CYP3A7: variants seen among roughly 807,000 people sequenced by gnomAD.
The protein encoded by CYP3A7 is cytochrome P450 family 3 subfamily A member 7, also known as cytochrome P450 3A7.
In CYP3A7, 45 loss-of-function variants were observed where a neutral mutation model predicts 55.2. The observed-to-expected ratio is 0.82, with a 90% CI of 0.64 to 1.05. CYP3A7 has a LOEUF of 1.05. Among genes scored for constraint, CYP3A7 ranks in the 50% least tolerant of loss-of-function variants. CYP3A7 has a pLI of 0.00. For synonymous variants in CYP3A7, 180 were observed against 207.4 expected (o/e 0.87, Z 1.13); for missense variants, 548 against 605.3 (o/e 0.91, Z 0.99).
intron 9 of CYP3A7, among the ~76,000 whole-genome samples, chr7:99,713,040 G>C (rs1473274769): frequency 2.0e-5 from 3 of 152,192 alleles, no homozygotes; most frequent in African/African-American, 7.2e-5. Context: ...GGATAGCATG[G>C]CTCCTGATTA....
intron 4 of CYP3A7, among the ~76,000 whole-genome samples, chr7:99,718,715 T>G (rs1814068402): frequency 6.6e-6 from 1 of 152,146 alleles, no homozygotes; most frequent in African/African-American, 2.4e-5. Context: ...ATAAAAGAAT[T>G]GTCTCTATTT....
At chr7:99,720,192 T>C in intron 4 of CYP3A7, 121 bp downstream of exon 4, 1 of 1,220,824 alleles carries the variant, frequency 8.2e-7, no homozygotes, top group Non-Finnish European at 1.2e-6. Flanking sequence ...ATGGGCAGGA[T>C]GAAGTGTACA....
chr7:99,713,348 T>C, intron 9 of CYP3A7, 121 bp downstream of exon 9: 19 of 1,458,808 alleles, frequency 1.3e-5, no homozygotes, highest in Non-Finnish European at 1.7e-5. Context: ...CATCCAAACC[T>C]GTGTCATTCT....
chr7:99,733,395 G>C (rs919664267), intron 1 of CYP3A7, among the ~76,000 whole-genome samples: 3 of 152,158 alleles, frequency 2.0e-5, no homozygotes, highest in African/African-American at 7.2e-5. Context: ...GCTCCCCTCT[G>C]TTTGGTAGAG....
chr7:99,721,456 T>A (rs1342824177), intron 3 of CYP3A7, among the ~76,000 whole-genome samples: 1 of 152,210 alleles, frequency 6.6e-6, no homozygotes, highest in Non-Finnish European at 1.5e-5. Context: ...GATGATGCCA[T>A]GCATTTATGA....
At chr7:99,725,053 C>T (rs1231017187) in intron 2 of CYP3A7, among the ~76,000 whole-genome samples, 3 of 152,050 alleles carry the variant, frequency 2.0e-5, no homozygotes, top group African/African-American at 7.2e-5. Context: ...AGATGGACTC[C>T]CCAGGTATAG....
chr7:99,731,141 C>G lies in CYP3A7; in HGVS notation c.83G>C (p.Arg28Pro), dbSNP rs748017013. The change falls in exon 2 of 13, where the codon CGT (arginine) becomes CCT (proline). Residue 28 changes from arginine to proline, a missense_variant. Coordinates refer to ENST00000336374, the MANE Select transcript of CYP3A7 (RefSeq NM_000765.5). Reference protein sequence around the residue: ...SLILLYLYGTRTHGLFKKLGI... With the variant: ...SLILLYLYGTPTHGLFKKLGI... The stretch of plus-strand genomic sequence containing the variant: ...AAGCTTCTTAAAAAGTCCATGTGTA[C>G]GGGTTCCATATCTACAAAGTGAAAC... 2 of 1,613,544 alleles carry G rather than the reference C, an allele frequency of 1.2e-6. No individual in the cohort carries two copies. The highest frequency in any genetic ancestry group is 1.3e-5 in the African/African-American group (1 of 74,850).
At chr7:99,708,730 CATA>C (rs1180614908) in intron 11 of CYP3A7, among the ~76,000 whole-genome samples, 1 of 152,094 alleles carries the variant, frequency 6.6e-6, no homozygotes, top group East Asian at 1.9e-4. Flanking sequence ...ATTTGTGGGA[CATA>C]ATAATAGCAT....
At chr7:99,716,817 A>G (rs1813967317) in intron 6 of CYP3A7, among the ~76,000 whole-genome samples, 1 of 152,170 alleles carries the variant, frequency 6.6e-6, no homozygotes, top group Non-Finnish European at 1.5e-5. Context: ...CTCACTGCCA[A>G]CCAACAGATA....
intron 11 of CYP3A7, among the ~76,000 whole-genome samples, 188 bp from the exon 12 acceptor site, chr7:99,708,162 C>A (rs1262343761): frequency 6.6e-6 from 1 of 152,284 alleles, no homozygotes; most frequent in Non-Finnish European, 1.5e-5. Flanking sequence ...CCTTTCTACT[C>A]TCCTTACATT....
At position 99,707,947 on chromosome 7, in the gene CYP3A7, T is replaced by C; in HGVS notation, c.1281A>G (p.Ile427Met). 1 of 1,613,946 alleles carries C rather than the reference T, an allele frequency of 6.2e-7. No individual in the cohort carries two copies. Among genetic ancestry groups the C allele is most frequent in the Non-Finnish European group, 8.5e-7 (1 of 1,179,856 alleles). ...CAAAGGGTGTGTATATGTAAGGATC[T>C]ATGTTGTCCTTGTTCTTTTTACTGA... ...ERFSKKNKDN[I>M]DPYIYTPFGS... Residue 427 changes from isoleucine to methionine, a missense_variant, in exon 12 of 13, where the codon ATA becomes ATG. Ile to Met is a conservative substitution (Grantham distance 10). Coordinates refer to ENST00000336374, the MANE Select transcript of CYP3A7 (RefSeq NM_000765.5).
In CYP3A7 at chr7:99,732,315, C is replaced by T. The variant is rs1346289323; in HGVS notation, c.72-1163G>A. ...CTGAGGGCACCCTAGCGGCAGAAGTCGCTATGCTTCCTGTAGAGCCTGCAG... is the reference window on the plus strand; with the variant it reads ...CTGAGGGCACCCTAGCGGCAGAAGTTGCTATGCTTCCTGTAGAGCCTGCAG... On this transcript the variant is annotated intron_variant, in intron 1 of 12. Coordinates refer to ENST00000336374, the MANE Select transcript of CYP3A7 (RefSeq NM_000765.5). 2.6e-5 allele frequency among the ~76,000 whole-genome samples: 4 copies of T among 152,174 alleles called. No individual in the cohort carries two copies. In the South Asian group the frequency reaches 6.2e-4, roughly 24 times the overall value.
chr7:99,733,869 G>A (rs1478795757), intron 1 of CYP3A7, among the ~76,000 whole-genome samples: 4 of 152,018 alleles, frequency 2.6e-5, no homozygotes, highest in East Asian at 1.9e-4. Context: ...TTGAAATGGG[G>A]GTATTAAAAT....
chr7:99,716,334 C>T (rs1398513983), intron 6 of CYP3A7, among the ~76,000 whole-genome samples: 5 of 152,158 alleles, frequency 3.3e-5, no homozygotes, highest in South Asian at 2.1e-4. Context: ...TGCCCAGAGC[C>T]GATTCCTCTT....
chr7:99,705,326 A>G lies in CYP3A7; in HGVS notation c.*174T>C. ...TCTCCTCTATATTACCAAGTATAAC[A>G]CTCTATACAGACCATGAGAGAGCAC... is the stretch of plus-strand genomic sequence containing the variant. On this transcript the variant is annotated 3_prime_UTR_variant, in exon 13 of 13. Coordinates refer to ENST00000336374, the MANE Select transcript of CYP3A7 (RefSeq NM_000765.5). The G allele has an allele frequency of 1.4e-6, 1 of 718,228 alleles. No homozygotes were observed. Among genetic ancestry groups the G allele is most frequent in the South Asian group, 1.7e-5 (1 of 58,366 alleles). 44.5% of individuals were successfully genotyped at this position (718,228 alleles called of 1,614,324 possible). A position where few individuals can be genotyped will look rare whatever the true frequency, so the allele number is the denominator to read the frequency against.
intron 2 of CYP3A7, among the ~76,000 whole-genome samples, chr7:99,728,256 C>G (rs1026784850): frequency 6.6e-6 from 1 of 152,176 alleles, no homozygotes; most frequent in African/African-American, 2.4e-5. Context: ...AACTAGCCCC[C>G]TCCTAGAACT....
At chr7:99,712,860 A>C (rs981476988) in intron 9 of CYP3A7, among the ~76,000 whole-genome samples, 3 of 152,206 alleles carry the variant, frequency 2.0e-5, no homozygotes, top group Non-Finnish European at 4.4e-5. Context: ...AAAATCGTAC[A>C]TGGGTTGTAA....
chr7:99,726,030 CTGAGA>C (rs1413834452), intron 2 of CYP3A7, among the ~76,000 whole-genome samples: 1 of 152,180 alleles, frequency 6.6e-6, no homozygotes, highest in Non-Finnish European at 1.5e-5. Flanking sequence ...CCTTATTAGG[CTGAGA>C]TATTTTAACC....
intron 9 of CYP3A7, among the ~76,000 whole-genome samples, chr7:99,712,377 T>G (rs1813780944): frequency 6.6e-6 from 1 of 152,196 alleles, no homozygotes; most frequent in South Asian, 2.1e-4. Flanking sequence ...ATCTCAAAGT[T>G]TAGAGCTCTG....
Sources: allele counts gnomAD v4.1 joint callset (sites outside exome capture counted in the v4.1 genomes callset), GRCh38; gene constraint gnomAD v4.1.1; transcripts MANE v1.5; gene names NCBI Gene and HGNC (gene_info 2026-07-23, HGNC 2026-07-21).